ATXN2: variants seen among roughly 807,000 people sequenced by gnomAD.
ATXN2 encodes ataxin 2.
ATXN2 carries 37 observed loss-of-function variants against 138.6 expected under a neutral mutation model. The ratio of observed to expected loss-of-function variants is 0.27; its 90% CI spans 0.21 to 0.35. The LOEUF is 0.35. ATXN2 is among the 10% of genes least tolerant of loss of function. The pLI is 1.00. For synonymous variants in ATXN2, 549 were observed against 543.7 expected (o/e 1.01, Z -0.13); for missense variants, 1,216 against 1,480.3 (o/e 0.82, Z 2.93).
intron 1 of ATXN2, among the ~76,000 whole-genome samples, chr12:111,597,001 C>T (rs1286430137): frequency 6.6e-6 from 1 of 152,118 alleles, no homozygotes; most frequent in Non-Finnish European, 1.5e-5. Flanking sequence ...AGAATACATC[C>T]TTTTCTATAA....
chr12:111,567,736 C>T (rs1431974685), intron 1 of ATXN2, among the ~76,000 whole-genome samples: 1 of 151,954 alleles, frequency 6.6e-6, no homozygotes. Flanking sequence ...ATCGCTTCAA[C>T]TCAGGAGGCA....
intron 18 of ATXN2, among the ~76,000 whole-genome samples, chr12:111,476,364 C>T (rs1876814034): frequency 1.3e-5 from 2 of 152,158 alleles, no homozygotes; most frequent in South Asian, 4.1e-4. Flanking sequence ...TAACACCTAA[C>T]TGTATGCTTA....
chr12:111,596,237 C>T (rs1002030564), intron 1 of ATXN2, among the ~76,000 whole-genome samples: 2 of 141,148 alleles, frequency 1.4e-5, no homozygotes, highest in African/African-American at 3.2e-5. Flanking sequence ...CACACACACA[C>T]ACACACACAA....
At chr12:111,476,011 G>A (rs1352735038) in intron 18 of ATXN2, among the ~76,000 whole-genome samples, 1 of 152,186 alleles carries the variant, frequency 6.6e-6, no homozygotes, top group African/African-American at 2.4e-5. Context: ...GAGTACAGTG[G>A]TACAATCACA....
chr12:111,599,646 G>A (rs117532831), upstream of ATXN2: 93,913 of 1,084,512 alleles, frequency 0.087, 4,502 homozygotes, highest in Non-Finnish European at 0.095. Flanking sequence ...CGTGAGGAGC[G>A]GGCGGCGCGC....
At chr12:111,493,675 C>A (rs1410537983) in intron 14 of ATXN2, among the ~76,000 whole-genome samples, 1 of 151,398 alleles carries the variant, frequency 6.6e-6, no homozygotes, top group African/African-American at 2.4e-5. Flanking sequence ...GCTGCCCAGG[C>A]TGGACGGCAG....
chr12:111,457,648 C>T (rs1875211436), intron 21 of ATXN2: 2 of 255,352 alleles, frequency 7.8e-6, no homozygotes, highest in Non-Finnish European at 1.5e-5. Flanking sequence ...AAAAAGGCAA[C>T]TTGAAGGCAT....
At chr12:111,572,748 T>C (rs1164647039) in intron 1 of ATXN2, among the ~76,000 whole-genome samples, 4 of 152,334 alleles carry the variant, frequency 2.6e-5, no homozygotes, top group Non-Finnish European at 4.4e-5. Flanking sequence ...AAGACTAACA[T>C]GTACTGCTGA....
intron 1 of ATXN2, among the ~76,000 whole-genome samples, chr12:111,565,236 C>G (rs1882930619): frequency 6.6e-6 from 1 of 152,132 alleles, no homozygotes; most frequent in South Asian, 2.1e-4. Context: ...TTCTGCTTTG[C>G]TTTATTGAAA....
At chr12:111,459,443 T>C (rs1182135961) in intron 21 of ATXN2, among the ~76,000 whole-genome samples, 1 of 152,232 alleles carries the variant, frequency 6.6e-6, no homozygotes, top group Non-Finnish European at 1.5e-5. Context: ...TAAAAATGTA[T>C]TTATTTGTTT....
intron 21 of ATXN2, among the ~76,000 whole-genome samples, chr12:111,460,738 C>T (rs1346673825): frequency 6.6e-6 from 1 of 151,916 alleles, no homozygotes; most frequent in African/African-American, 2.4e-5. Context: ...TTAAGTTATT[C>T]ATCAACTGGA....
At chr12:111,455,828 C>A (rs1185007687) in intron 23 of ATXN2, 1 of 636,578 alleles carries the variant, frequency 1.6e-6, no homozygotes, top group Non-Finnish European at 2.9e-6. Context: ...AAGGACTGAC[C>A]AATCAGCACC....
chr12:111,579,699 C>CTT (rs553336363), intron 1 of ATXN2, among the ~76,000 whole-genome samples: 6 of 138,888 alleles, frequency 4.3e-5, no homozygotes, highest in Non-Finnish European at 4.7e-5. Flanking sequence ...TACAGACGAC[C>CTT]TTTTTTTTTT....
At chr12:111,590,027 T>C (rs1266935428) in intron 1 of ATXN2, among the ~76,000 whole-genome samples, 6 of 149,876 alleles carry the variant, frequency 4.0e-5, no homozygotes, top group African/African-American at 9.8e-5. Flanking sequence ...CTGGCCAACA[T>C]GGTGAAACCC....
chr12:111,518,554 C>T, intron 8 of ATXN2, 127 bp from the exon 9 acceptor site: 2 of 947,506 alleles, frequency 2.1e-6, no homozygotes, highest in South Asian at 4.2e-5. Flanking sequence ...ACCAAACTGC[C>T]TCACTCCCAG....
At chr12:111,592,824 A>C (rs1884744043) in intron 1 of ATXN2, among the ~76,000 whole-genome samples, 1 of 148,308 alleles carries the variant, frequency 6.7e-6, no homozygotes, top group Non-Finnish European at 1.5e-5. Context: ...TGTGACTGTT[A>C]ATAAACTGTT....
intron 1 of ATXN2, among the ~76,000 whole-genome samples, chr12:111,581,132 T>C (rs1369960976): frequency 9.1e-6 from 1 of 110,234 alleles, no homozygotes; most frequent in Non-Finnish European, 1.7e-5. Context: ...CGAGACTCCA[T>C]CTCAAAAAAA....
At position 111,452,606 on chromosome 12, in the gene ATXN2, T is replaced by C. The variant is rs1235282792; in HGVS notation, c.*206A>G. ...TGAAACAGCATATGGAATTATGGAATAGCCCCCAAGTTCCTAAATGCCTCT... is the reference window on the plus strand; with the variant it reads ...TGAAACAGCATATGGAATTATGGAACAGCCCCCAAGTTCCTAAATGCCTCT... On this transcript the variant is annotated 3_prime_UTR_variant, in exon 25 of 25. Coordinates refer to ENST00000673436, the MANE Select transcript of ATXN2 (RefSeq NM_001372574.1). The C allele has an allele frequency of 1.7e-6, 1 of 605,544 alleles. No homozygotes were observed. The highest frequency in any genetic ancestry group is 2.9e-6 in the Non-Finnish European group (1 of 344,342). The allele number at this position is 605,544 out of a possible 1,614,324, so 37.5% of individuals were successfully genotyped here.
intron 18 of ATXN2, among the ~76,000 whole-genome samples, chr12:111,472,323 T>C (rs1043240466): frequency 3.3e-5 from 5 of 152,186 alleles, no homozygotes; most frequent in African/African-American, 1.2e-4. Flanking sequence ...CCCTTGACTC[T>C]GCCTGTTATT....
Sources: gnomAD v4.1 joint callset for allele counts (sites outside exome capture counted in the v4.1 genomes callset) on GRCh38, gnomAD v4.1.1 for gene constraint, MANE v1.5 for transcripts, NCBI Gene and HGNC (gene_info 2026-07-23, HGNC 2026-07-21) for gene names.